FAM180A: variants seen among roughly 807,000 people sequenced by gnomAD.
FAM180A encodes the protein family with sequence similarity 180 member A.
FAM180A carries 14 observed loss-of-function variants against 15.3 expected under a neutral mutation model. The observed-to-expected ratio is 0.92, with a 90% CI of 0.61 to 1.43. The LOEUF is 1.43. FAM180A is among the 40% of genes most tolerant of loss of function. The pLI, the probability that FAM180A is intolerant of heterozygous loss-of-function variation, is 0.00. For missense variants in FAM180A, 200 were observed against 220.8 expected (o/e 0.91, Z 0.60); for synonymous variants, 90 against 96.8 (o/e 0.93, Z 0.41).
At chr7:135,734,365 T>C in intron 2 of FAM180A, 46 bp from the exon 3 acceptor site, 1 of 1,530,110 alleles carries the variant, frequency 6.5e-7, no homozygotes, top group Non-Finnish European at 8.8e-7. Context: ...GAGGCATTGC[T>C]GAGGACACAG....
At chr7:135,733,601 C>A in intron 3 of FAM180A, 45 bp downstream of exon 3, 3 of 965,696 alleles carry the variant, frequency 3.1e-6, no homozygotes, top group Non-Finnish European at 3.7e-6. Context: ...CCTGTCTCAG[C>A]CTCCTAAAGT....
At chr7:135,735,875 G>A (rs1378379624) in intron 2 of FAM180A, among the ~76,000 whole-genome samples, 1 of 151,764 alleles carries the variant, frequency 6.6e-6, no homozygotes, top group Non-Finnish European at 1.5e-5. Context: ...GCTAATTTTT[G>A]TATTTTTGGT....
At position 135,746,797 on chromosome 7, in the gene FAM180A, A is replaced by T. The variant is rs187529851; in HGVS notation, c.76+1708T>A. On this transcript the variant is annotated intron_variant, in intron 1 of 3. Transcript: ENST00000338588. Reference sequence around the variant, plus strand: ...ACAGTCAATAACAATTTAATTGTACATTTAAAAAGAACTAAAAGAGGGCCA... The same window carrying T: ...ACAGTCAATAACAATTTAATTGTACTTTTAAAAAGAACTAAAAGAGGGCCA... Among the ~76,000 whole-genome samples the T allele has an allele frequency of 9.5e-3, 1,307 of 137,952 alleles. 13 individuals carry two copies. Among genetic ancestry groups the T allele is most frequent in the Middle Eastern group, 0.052 (13 of 252 alleles). 90.5% of individuals were successfully genotyped at this position (137,952 alleles called of 152,430 possible).
chr7:135,740,331 G>A (rs1384956526), intron 1 of FAM180A, among the ~76,000 whole-genome samples: 1 of 152,226 alleles, frequency 6.6e-6, no homozygotes, highest in East Asian at 1.9e-4. Flanking sequence ...TGACAGCCGA[G>A]GTTGAGAACC....
chr7:135,737,607 A>G (rs1375111220), intron 1 of FAM180A, among the ~76,000 whole-genome samples: 1 of 139,572 alleles, frequency 7.2e-6, no homozygotes, highest in Non-Finnish European at 1.5e-5. Context: ...AAAAAAAAAA[A>G]AGAAAGAAAA....
chr7:135,736,179 T>G (rs991653883), intron 2 of FAM180A, among the ~76,000 whole-genome samples: 2 of 151,924 alleles, frequency 1.3e-5, no homozygotes, highest in African/African-American at 4.8e-5. Flanking sequence ...CGTGCCACCA[T>G]GCCCAGCTAA....
At chr7:135,740,416 G>A (rs1796928851) in intron 1 of FAM180A, among the ~76,000 whole-genome samples, 1 of 152,176 alleles carries the variant, frequency 6.6e-6, no homozygotes, top group Admixed American at 6.5e-5. Context: ...GCCGCTCTTT[G>A]TTTAGACCGG....
At chr7:135,734,341 C>G in intron 2 of FAM180A, 22 bp from the exon 3 acceptor site, 2 of 1,561,124 alleles carry the variant, frequency 1.3e-6, no homozygotes, top group Non-Finnish European at 1.7e-6. Context: ...TGTGGATGTG[C>G]AAAAATATGA....
intron 1 of FAM180A, among the ~76,000 whole-genome samples, chr7:135,739,680 T>TAC (rs1554483063): frequency 7.1e-6 from 1 of 140,298 alleles, no homozygotes; most frequent in Non-Finnish European, 1.5e-5. Flanking sequence ...CAGAAGTGAT[T>TAC]AAAAAAAAAA....
At chr7:135,746,150 G>A (rs1026405641) in intron 1 of FAM180A, among the ~76,000 whole-genome samples, 2 of 152,114 alleles carry the variant, frequency 1.3e-5, no homozygotes, top group Non-Finnish European at 2.9e-5. Flanking sequence ...CCTCGGTTTG[G>A]CTGGCTTTGA....
intron 3 of FAM180A, among the ~76,000 whole-genome samples, chr7:135,730,586 A>G (rs1584748730): frequency 6.6e-6 from 1 of 152,236 alleles, no homozygotes; most frequent in Admixed American, 6.5e-5. Flanking sequence ...AAAATTTGTC[A>G]GCAGAAATGG....
At chr7:135,735,614 A>G (rs1175388715) in intron 2 of FAM180A, among the ~76,000 whole-genome samples, 1 of 152,230 alleles carries the variant, frequency 6.6e-6, no homozygotes, top group Non-Finnish European at 1.5e-5. Flanking sequence ...GACTAGGCAA[A>G]GACTCTGCAT....
intron 1 of FAM180A, among the ~76,000 whole-genome samples, chr7:135,739,894 C>T (rs1796921817): frequency 6.6e-6 from 1 of 152,134 alleles, no homozygotes; most frequent in Admixed American, 6.5e-5. Context: ...CAGAGCCTGG[C>T]AGGCTTCCGG....
Position 135,734,020 on chromosome 7 carries a change from C to T in FAM180A, c.477G>A (p.Leu159=), listed in dbSNP as rs771888705. 3.1e-6 allele frequency: 5 copies of T among 1,613,576 alleles called. No homozygotes were observed. The highest frequency in any genetic ancestry group is 4.2e-6 in the Non-Finnish European group (5 of 1,179,794). Residue 159 remains leucine (L), a synonymous_variant, in exon 3 of 4, where the codon CTG becomes CTA. Transcript: ENST00000338588. The stretch of plus-strand genomic sequence containing the variant: ...GTGAGGAGCGCATCAAGTCGTGCCT[C>T]AGGGCCTGGAAGAGGCTAACGAGGG... ...AQSLVSLFQA[L]RHDLMRSSQP...
intron 1 of FAM180A, among the ~76,000 whole-genome samples, chr7:135,738,992 T>C (rs1022234764): frequency 6.6e-6 from 1 of 151,990 alleles, no homozygotes; most frequent in African/African-American, 2.4e-5. Flanking sequence ...TGAGAAAAGG[T>C]CAAATTATGT....
At chr7:135,730,825 A>G (rs1796770236) in intron 3 of FAM180A, among the ~76,000 whole-genome samples, 1 of 152,202 alleles carries the variant, frequency 6.6e-6, no homozygotes, top group African/African-American at 2.4e-5. Flanking sequence ...TTGATTCTGC[A>G]TGTCAGTGAA....
In FAM180A at chr7:135,748,622, G is replaced by A. The variant is rs1797064452; in HGVS notation, c.-42C>T. 2 of 1,485,668 alleles carry A rather than the reference G, an allele frequency of 1.3e-6. No homozygotes were observed. Among genetic ancestry groups the A allele is most frequent in the Non-Finnish European group, 1.9e-6 (2 of 1,063,040 alleles). The allele number at this position is 1,485,668 out of a possible 1,614,324, so 92.0% of individuals were successfully genotyped here. ...TGAAAAATCGACCCTCAAGCCCAGT[G>A]GAACCCCAGTAGCTGCAGGTATGCC... is the stretch of plus-strand genomic sequence containing the variant. On this transcript the variant is annotated 5_prime_UTR_variant, in exon 1 of 4. Coordinates refer to ENST00000338588, the MANE Select transcript of FAM180A (RefSeq NM_205855.4).
intron 1 of FAM180A, among the ~76,000 whole-genome samples, chr7:135,745,402 T>C (rs980458065): frequency 6.6e-6 from 1 of 152,220 alleles, no homozygotes; most frequent in Non-Finnish European, 1.5e-5. Context: ...CTTTCTCAAG[T>C]CTGGCTAGTC....
rs142035177 is a variant in FAM180A at position 135,734,185 on chromosome 7, G to T, written c.312C>A (p.Ile104=). 7.4e-5 allele frequency: 120 copies of T among 1,614,224 alleles called. No individual in the cohort carries two copies. The Middle Eastern group carries it at 1.5e-3, about 20-fold the overall frequency. The change falls in exon 3 of 4, where the codon ATC becomes ATA. Residue 104 remains isoleucine, a synonymous_variant. Transcript: ENST00000338588. The part of the protein sequence containing the change: ...NNVIPKSIPD[I]RRLSASLSSH... ...TGGAGAGGCTGGCGCTGAGCCGGCG[G>T]ATGTCTGGGATGCTCTTGGGGATGA...
Sources: gnomAD v4.1 joint callset for allele counts (sites outside exome capture counted in the v4.1 genomes callset) on GRCh38, gnomAD v4.1.1 for gene constraint, MANE v1.5 for transcripts, NCBI Gene and HGNC (gene_info 2026-07-23, HGNC 2026-07-21) for gene names.